The following ST8SIA6 variants were observed in gnomAD, a reference collection of about 807,000 sequenced individuals.
The protein encoded by ST8SIA6 is alpha-2,8-sialyltransferase 8F.
Under a neutral mutation model 33.6 loss-of-function variants are expected in ST8SIA6, and 39 were observed. The ratio of observed to expected loss-of-function variants is 1.16; its 90% CI spans 0.90 to 1.52. The LOEUF is 1.52. Among genes scored for constraint, ST8SIA6 ranks in the 40% most tolerant of loss-of-function variants. ST8SIA6 has a pLI of 0.00. For missense variants in ST8SIA6, 441 were observed against 443.8 expected (o/e 0.99, Z 0.06); for synonymous variants, 172 against 167.2 (o/e 1.03, Z -0.22).
intron 2 of ST8SIA6, among the ~76,000 whole-genome samples, chr10:17,404,417 T>C: frequency 6.6e-6 from 1 of 152,134 alleles, no homozygotes; most frequent in South Asian, 2.1e-4. Context: ...TATCGAATTC[T>C]GAGTCTATGG....
intron 4 of ST8SIA6, 139 bp downstream of exon 4, chr10:17,359,375 A>T (rs893945620): frequency 1.0e-5 from 6 of 571,818 alleles, no homozygotes; most frequent in Non-Finnish European, 1.8e-5. Flanking sequence ...GCCTCATGAG[A>T]GGGTCTTAGA....
At chr10:17,323,330 T>G (rs891918740) in intron 6 of ST8SIA6, among the ~76,000 whole-genome samples, 173 bp from the exon 7 acceptor site, 2 of 151,660 alleles carry the variant, frequency 1.3e-5, no homozygotes, top group Admixed American at 1.3e-4. Context: ...CTATTTTAAA[T>G]TATTTACTTT....
chr10:17,323,078 T>C lies in ST8SIA6; in HGVS notation c.715A>G (p.Ile239Val). 1 of 1,613,252 alleles carries C rather than the reference T, an allele frequency of 6.2e-7. No homozygotes were observed. Among genetic ancestry groups the C allele is most frequent in the Non-Finnish European group, 8.5e-7 (1 of 1,179,428 alleles). ...KTNLVTINPS[I>V]ITLKYGNLKE... ...GCAGCTACTTACTTCAGAGTTATGA[T>C]GCTTGGATTTATAGTCACAAGATTT... is the stretch of plus-strand genomic sequence containing the variant. The change falls in exon 7 of 8, where the codon ATC becomes GTC. Residue 239 changes from isoleucine (I) to valine (V), a missense_variant. By Grantham distance (29) the Ile-to-Val change is conservative. Transcript: ENST00000377602.
chr10:17,392,025 A>C (rs1301082686), intron 2 of ST8SIA6, among the ~76,000 whole-genome samples: 1 of 152,210 alleles, frequency 6.6e-6, no homozygotes, highest in Non-Finnish European at 1.5e-5. Context: ...CTGTTAATGC[A>C]TTTATTTCAT....
chr10:17,343,996 C>T (rs1427060256), intron 4 of ST8SIA6, among the ~76,000 whole-genome samples: 1 of 152,188 alleles, frequency 6.6e-6, no homozygotes, highest in Non-Finnish European at 1.5e-5. Flanking sequence ...TTGTTGTCCC[C>T]ATTTTTCAGA....
intron 3 of ST8SIA6, among the ~76,000 whole-genome samples, chr10:17,387,601 G>T (rs775660478): frequency 2.0e-5 from 3 of 152,132 alleles, no homozygotes; most frequent in Non-Finnish European, 4.4e-5. Flanking sequence ...CTATCCTTCT[G>T]TGAGAAACGG....
intron 4 of ST8SIA6, among the ~76,000 whole-genome samples, chr10:17,348,545 G>A (rs1253549545): frequency 2.0e-5 from 3 of 152,164 alleles, no homozygotes; most frequent in African/African-American, 7.2e-5. Flanking sequence ...TCTTGCACAG[G>A]TGGAGAAACA....
chr10:17,378,059 C>A (rs1849977981), intron 3 of ST8SIA6, among the ~76,000 whole-genome samples: 1 of 152,274 alleles, frequency 6.6e-6, no homozygotes, highest in South Asian at 2.1e-4. Flanking sequence ...TATAAGCCAG[C>A]TGAAAATTGC....
intron 3 of ST8SIA6, among the ~76,000 whole-genome samples, chr10:17,373,126 T>C (rs1415903526): frequency 6.6e-6 from 1 of 152,212 alleles, no homozygotes; most frequent in Non-Finnish European, 1.5e-5. Flanking sequence ...ATCAGGCTGA[T>C]TTATAACCCA....
At position 17,323,229 on chromosome 10, in the gene ST8SIA6, G is replaced by GCGCACGCGCGCA. The variant is rs112083592; in HGVS notation, c.636-73_636-72insTGCGCGCGTGCG. ...AAAGATTGTATACACACATATGCGCGCACACACACACACACACACACCTAT... is the reference window on the plus strand; with the variant it reads ...AAAGATTGTATACACACATATGCGCGCGCACGCGCGCACACACACACACACACACACACCTAT... On this transcript the variant is annotated intron_variant, in intron 6 of 7. Coordinates refer to ENST00000377602, the MANE Select transcript of ST8SIA6 (RefSeq NM_001004470.3). The GCGCACGCGCGCA allele has an allele frequency of 8.2e-5, 65 of 794,538 alleles. No homozygotes were observed. In the East Asian group the frequency reaches 1.7e-3, roughly 21 times the overall value. The allele number at this position is 794,538 out of a possible 1,614,324, so 49.2% of individuals were successfully genotyped here. A position where few individuals can be genotyped will look rare whatever the true frequency, so the allele number is the denominator to read the frequency against.
At chr10:17,412,468 G>C (rs1179472096) in intron 2 of ST8SIA6, among the ~76,000 whole-genome samples, 1 of 152,170 alleles carries the variant, frequency 6.6e-6, no homozygotes, top group Non-Finnish European at 1.5e-5. Flanking sequence ...TAAGTGTCTG[G>C]CACTAGGCAG....
intron 3 of ST8SIA6, among the ~76,000 whole-genome samples, chr10:17,368,577 AAAAG>A (rs1409069488): frequency 6.6e-6 from 1 of 152,166 alleles, no homozygotes; most frequent in Non-Finnish European, 1.5e-5. Flanking sequence ...GGACAATAGA[AAAAG>A]AAAGTACGAG....
At chr10:17,324,211 G>A (rs1229204132) in intron 6 of ST8SIA6, among the ~76,000 whole-genome samples, 2 of 152,148 alleles carry the variant, frequency 1.3e-5, no homozygotes, top group African/African-American at 4.8e-5. Flanking sequence ...ATCTTTGAGT[G>A]CTTCCTAAGG....
chr10:17,443,420 A>G (rs925174055), intron 2 of ST8SIA6, among the ~76,000 whole-genome samples: 2 of 152,234 alleles, frequency 1.3e-5, no homozygotes, highest in African/African-American at 2.4e-5. Context: ...TCTCTTTACA[A>G]CCTCAATTTC....
chr10:17,427,028 C>CCTGGAGGCGGAGG (rs1851958296), intron 2 of ST8SIA6, among the ~76,000 whole-genome samples: 1 of 151,472 alleles, frequency 6.6e-6, no homozygotes, highest in Non-Finnish European at 1.5e-5. Flanking sequence ...TAGCTTGAAC[C>CCTGGAGGCGGAGG]CGGAGGCGGA....
chr10:17,426,402 C>T (rs962545020), intron 2 of ST8SIA6, among the ~76,000 whole-genome samples: 1 of 152,148 alleles, frequency 6.6e-6, no homozygotes, highest in African/African-American at 2.4e-5. Context: ...TTTTACATGG[C>T]TAACTGAGAA....
At chr10:17,415,912 C>T (rs562362987) in intron 2 of ST8SIA6, among the ~76,000 whole-genome samples, 56 of 148,434 alleles carry the variant, frequency 3.8e-4, no homozygotes, top group South Asian at 3.4e-3. Context: ...CAGGTTTATG[C>T]GATTCTCCTG....
intron 7 of ST8SIA6, 50 bp downstream of exon 7, chr10:17,323,015 G>A: frequency 6.6e-7 from 1 of 1,509,118 alleles, no homozygotes; most frequent in African/African-American, 1.4e-5. Flanking sequence ...GAAACATGTT[G>A]AACAATGAAA....
intron 2 of ST8SIA6, among the ~76,000 whole-genome samples, chr10:17,438,579 G>A (rs1852364504): frequency 6.6e-6 from 1 of 152,082 alleles, no homozygotes; most frequent in African/African-American, 2.4e-5. Context: ...AAGACTGCCT[G>A]TGAGCTAGCT....
Sources: gnomAD v4.1 joint callset for allele counts (sites outside exome capture counted in the v4.1 genomes callset) on GRCh38, gnomAD v4.1.1 for gene constraint, MANE v1.5 for transcripts, NCBI Gene and HGNC (gene_info 2026-07-23, HGNC 2026-07-21) for gene names.